Variants in DENND5A observed in about 807,000 individuals in gnomAD.
The protein encoded by DENND5A is DENN domain-containing protein 5A.
In DENND5A, 64 loss-of-function variants were observed where a neutral mutation model predicts 140.3. The ratio of observed to expected loss-of-function variants is 0.46; its 90% confidence interval spans 0.37 to 0.56. The LOEUF is 0.56. DENND5A is among the 20% of genes least tolerant of loss of function. The probability of loss-of-function intolerance (pLI) is 0.00; values close to 1 mark genes in which losing one functional copy is unlikely to be tolerated. For synonymous variants in DENND5A, 605 were observed against 607.7 expected (o/e 1.00, Z 0.07); for missense variants, 1,292 against 1,593.8 (o/e 0.81, Z 3.22).
intron 1 of DENND5A, among the ~76,000 whole-genome samples, chr11:9,227,099 C>T (rs1204570569): frequency 4.6e-5 from 7 of 151,876 alleles, no homozygotes. Context: ...ACCCGGGAGG[C>T]AGAGGTTACA....
chr11:9,249,523 T>A (rs1419128409), intron 1 of DENND5A, among the ~76,000 whole-genome samples: 1 of 151,892 alleles, frequency 6.6e-6, no homozygotes, highest in East Asian at 1.9e-4. Context: ...ACTGGGCTCA[T>A]TTTTATATTT....
intron 5 of DENND5A, among the ~76,000 whole-genome samples, chr11:9,184,177 C>T (rs1053390219): frequency 6.6e-6 from 1 of 151,902 alleles, no homozygotes; most frequent in Non-Finnish European, 1.5e-5. Flanking sequence ...ATGGTGAAAC[C>T]CTGTCTCTAC....
At chr11:9,236,222 C>CA (rs140163795) in intron 1 of DENND5A, among the ~76,000 whole-genome samples, 5,244 of 87,792 alleles carry the variant, frequency 0.06, 184 homozygotes, top group African/African-American at 0.14. Context: ...GACCCTGTCT[C>CA]AAAAAAAAAA....
At position 9,227,197 on chromosome 11, in the gene DENND5A, TAAATAAATAAATAAGC is replaced by T. The variant is rs1425566840; in HGVS notation, c.110-19581_110-19566del. Among the ~76,000 whole-genome samples the T allele has an allele frequency of 1.1e-3, 154 of 137,412 alleles. 2 individuals carry two copies. Among genetic ancestry groups the T allele is most frequent in the Non-Finnish European group, 1.8e-3 (117 of 66,612 alleles). 90.1% of individuals were successfully genotyped at this position (137,412 alleles called of 152,430 possible). A position where few individuals can be genotyped will look rare whatever the true frequency, so the allele number is the denominator to read the frequency against. ...ATAAATAAATAAATAAATAAATAAA[TAAATAAATAAATAAGC>T]AAGCAAGCACAGAGTGATATTTTCT... On this transcript the variant is annotated intron_variant, in intron 1 of 22. Coordinates refer to ENST00000328194, the MANE Select transcript of DENND5A (RefSeq NM_015213.4).
intron 2 of DENND5A, 129 bp downstream of exon 2, chr11:9,207,432 C>G (rs1849728332): frequency 3.1e-6 from 2 of 652,578 alleles, no homozygotes; most frequent in Non-Finnish European, 5.3e-6. Context: ...GGATACAAAT[C>G]TGAAAAATCT....
intron 1 of DENND5A, among the ~76,000 whole-genome samples, chr11:9,210,245 A>C (rs1467566375): frequency 6.6e-6 from 1 of 152,228 alleles, no homozygotes; most frequent in Non-Finnish European, 1.5e-5. Context: ...AATATTAGGA[A>C]TATGACATCA....
chr11:9,263,408 A>C (rs1378505080), intron 1 of DENND5A, among the ~76,000 whole-genome samples: 2 of 150,420 alleles, frequency 1.3e-5, no homozygotes, highest in African/African-American at 4.9e-5. Flanking sequence ...TTTAGTAGAG[A>C]CGGGGGTTTC....
At chr11:9,207,028 T>A (rs1439935050) in intron 2 of DENND5A, 4 of 509,718 alleles carry the variant, frequency 7.8e-6, no homozygotes, top group Non-Finnish European at 1.4e-5. Context: ...ATGAAATTAC[T>A]ACTCAAACCC....
intron 11 of DENND5A, among the ~76,000 whole-genome samples, chr11:9,161,280 G>A (rs756061007): frequency 1.3e-5 from 2 of 152,112 alleles, no homozygotes; most frequent in Non-Finnish European, 2.9e-5. Flanking sequence ...CCAAGGAAGC[G>A]TAGCTTGCAG....
intron 15 of DENND5A, 32 bp from the exon 16 acceptor site, chr11:9,147,183 G>A (rs749033589): frequency 1.6e-5 from 25 of 1,606,760 alleles, no homozygotes; most frequent in Middle Eastern, 3.3e-4. Context: ...ATCAGTCTCC[G>A]ACCAAAAGGA....
intron 19 of DENND5A, 146 bp from the exon 20 acceptor site, chr11:9,143,631 G>A: frequency 2.9e-6 from 2 of 682,678 alleles, no homozygotes; most frequent in Non-Finnish European, 2.6e-6. Flanking sequence ...TGCCCACCCA[G>A]CTTTGCTGAT....
intron 3 of DENND5A, 114 bp from the exon 4 acceptor site, chr11:9,204,431 G>A (rs1367040133): frequency 1.0e-6 from 1 of 973,534 alleles, no homozygotes. Flanking sequence ...GCGTGTATCT[G>A]GCTTAAAGCT....
At chr11:9,243,893 C>A (rs1018667180) in intron 1 of DENND5A, among the ~76,000 whole-genome samples, 51 of 152,148 alleles carry the variant, frequency 3.4e-4, no homozygotes, top group African/African-American at 8.9e-4. Context: ...CTCACACACA[C>A]AAAAAATAAT....
chr11:9,219,053 T>C (rs1850209336), intron 1 of DENND5A, among the ~76,000 whole-genome samples: 2 of 151,874 alleles, frequency 1.3e-5, no homozygotes, highest in Non-Finnish European at 2.9e-5. Flanking sequence ...TTTATTTATT[T>C]AAGAAATAAT....
rs1850382552 is a variant in DENND5A, at chr11:9,223,165, G to A, written c.110-15533C>T. Among the ~76,000 whole-genome samples the A allele has an allele frequency of 2.0e-5, 3 of 151,846 alleles. No homozygotes were observed. The South Asian group carries it at 6.2e-4, about 32-fold the overall frequency. ...AGCACTTTGGGAGCTGAGACAAGAA[G>A]ATCACTTGAGCTGAGGAGTTCAAGA... On this transcript the variant is annotated intron_variant, in intron 1 of 22. Transcript: ENST00000328194.
At chr11:9,207,807 CTATA>C (rs1160215777) in intron 1 of DENND5A, among the ~76,000 whole-genome samples, 175 bp from the exon 2 acceptor site, 2 of 152,020 alleles carry the variant, frequency 1.3e-5, no homozygotes, top group African/African-American at 2.4e-5. Context: ...CTTACCTTTA[CTATA>C]TATATAATGT....
intron 15 of DENND5A, 105 bp downstream of exon 15, chr11:9,149,976 T>A: frequency 1.4e-6 from 2 of 1,449,294 alleles, no homozygotes; most frequent in South Asian, 2.8e-5. Context: ...GTTAGCTGAA[T>A]GCAGCAGCAA....
At chr11:9,212,143 G>C (rs1177003579) in intron 1 of DENND5A, among the ~76,000 whole-genome samples, 1 of 152,018 alleles carries the variant, frequency 6.6e-6, no homozygotes, top group East Asian at 1.9e-4. Context: ...TCAGCACTTT[G>C]GGAGGCCAAG....
rs551684641 is a variant in DENND5A, at chr11:9,213,756, G to A, written c.110-6124C>T. Among the ~76,000 whole-genome samples, 11 of 138,952 alleles carry A rather than the reference G, an allele frequency of 7.9e-5. 1 individual carries two copies. The South Asian group carries it at 2.5e-3, about 31-fold the overall frequency. The allele number at this position is 138,952 out of a possible 152,430, so 91.2% of individuals were successfully genotyped here. ...CTGGAGATGGTGGCTGCAGTGAGCC[G>A]AGATTGCACCACTGCACTCCAGCCT... On this transcript the variant is annotated intron_variant, in intron 1 of 22. Transcript: ENST00000328194.
Sources: gnomAD v4.1 joint callset for allele counts (sites outside exome capture counted in the v4.1 genomes callset) on GRCh38, gnomAD v4.1.1 for gene constraint, MANE v1.5 for transcripts, NCBI Gene and HGNC (gene_info 2026-07-23, HGNC 2026-07-21) for gene names.